RNF220: variants seen among roughly 807,000 people sequenced by gnomAD.
The protein encoded by RNF220 is ring finger protein 220.
A neutral mutation model predicts 67.1 loss-of-function variants in RNF220; 7 were observed. The ratio of observed to expected loss-of-function variants is 0.10; its 90% CI spans 0.06 to 0.20. RNF220 has a LOEUF of 0.20. RNF220 is among the 10% of genes least tolerant of loss of function. The probability of loss-of-function intolerance (pLI) is 1.00; values close to 1 mark genes in which losing one functional copy is unlikely to be tolerated. For missense variants in RNF220, 565 were observed against 740.3 expected, an observed-to-expected ratio of 0.76 and a Z score of 2.75; for synonymous variants, 270 against 283.2, an observed-to-expected ratio of 0.95 and a Z score of 0.47.
At chr1:44,476,964 T>C (rs774189166) in intron 2 of RNF220, among the ~76,000 whole-genome samples, 43 of 152,180 alleles carry the variant, frequency 2.8e-4, no homozygotes, top group Non-Finnish European at 5.3e-4. Flanking sequence ...CCATCAGTTA[T>C]GTGTTTTGGC....
intron 2 of RNF220, among the ~76,000 whole-genome samples, chr1:44,569,364 T>C (rs1664264671): frequency 6.6e-6 from 1 of 152,136 alleles, no homozygotes; most frequent in Non-Finnish European, 1.5e-5. Flanking sequence ...CCTGGGAAAA[T>C]TACACGTAAC....
rs1470972423 is a variant in RNF220 at position 44,624,774 on chromosome 1, T to A, written c.805-1523T>A. Among the ~76,000 whole-genome samples, 1 of 152,156 alleles carries A rather than the reference T, an allele frequency of 6.6e-6. No individual in the cohort carries two copies. Among genetic ancestry groups the A allele is most frequent in the African/African-American group, 2.4e-5 (1 of 41,410 alleles). On this transcript the variant is annotated intron_variant, in intron 4 of 14. Transcript: ENST00000361799. This position sits in a 1 kb window ranked among gnomAD's most constrained non-coding sequence, Gnocchi z 4.2. ...AATTAGCCGGTGGCGGCTATCATAT[T>A]AAAGGGTGAAGAAGCCGTGAATTAT...
At chr1:44,451,650 C>T (rs1652696338) in intron 2 of RNF220, among the ~76,000 whole-genome samples, 1 of 151,838 alleles carries the variant, frequency 6.6e-6, no homozygotes, top group Admixed American at 6.6e-5. Context: ...GAGACGGAGT[C>T]TGGCTCTTGT....
At chr1:44,413,909 C>A (rs969724791) in intron 2 of RNF220, among the ~76,000 whole-genome samples, 1 of 152,212 alleles carries the variant, frequency 6.6e-6, no homozygotes, top group African/African-American at 2.4e-5. Flanking sequence ...GTGTTAACTT[C>A]CCTGCGCTAA....
At chr1:44,520,190 C>T (rs1029091908) in intron 2 of RNF220, among the ~76,000 whole-genome samples, 49 of 150,574 alleles carry the variant, frequency 3.3e-4, no homozygotes, top group African/African-American at 1.2e-3. Context: ...GGGCTGGGCG[C>T]GGTGGCTCAC....
intron 6 of RNF220, 147 bp downstream of exon 6, chr1:44,632,532 C>A: frequency 1.3e-6 from 1 of 752,636 alleles, no homozygotes; most frequent in Non-Finnish European, 2.2e-6. Context: ...TATGTGCAAA[C>A]CAAAGCTGCC....
chr1:44,577,888 G>T (rs1664931901), intron 2 of RNF220, among the ~76,000 whole-genome samples: 1 of 151,078 alleles, frequency 6.6e-6, no homozygotes, highest in South Asian at 2.1e-4. Context: ...CCAGGCTGGA[G>T]TGCAATGGCA....
At chr1:44,497,338 GAC>G (rs10578430) in intron 2 of RNF220, among the ~76,000 whole-genome samples, 6,824 of 147,996 alleles carry the variant, frequency 0.046, 409 homozygotes, top group East Asian at 0.18. Flanking sequence ...CCCCTTCCCT[GAC>G]ACACACACAC....
chr1:44,405,385 T>TGCTGCTGCTGCCGCTGCC lies in RNF220; in HGVS notation c.-260_-243dup. 1 of 627,518 alleles carries TGCTGCTGCTGCCGCTGCC rather than the reference T, an allele frequency of 1.6e-6. No homozygotes were observed. The highest frequency in any genetic ancestry group is 2.9e-6 in the Non-Finnish European group (1 of 348,162). 38.9% of individuals were successfully genotyped at this position (627,518 alleles called of 1,614,324 possible). On this transcript the variant is annotated 5_prime_UTR_variant, in exon 1 of 15. Transcript: ENST00000361799. ...CCCGGGGCCAGCCGCCTACTGCTGC[T>TGCTGCTGCTGCCGCTGCC]GCTGCTGCTGCCGCTGCCGCCGCCG...
intron 7 of RNF220, 147 bp downstream of exon 7, chr1:44,635,735 C>A: frequency 6.7e-7 from 1 of 1,498,732 alleles, no homozygotes; most frequent in Non-Finnish European, 8.9e-7. Context: ...CTGACTGCCC[C>A]TGAATCTGTG....
chr1:44,499,497 C>A (rs1657637287), intron 2 of RNF220, among the ~76,000 whole-genome samples: 1 of 152,148 alleles, frequency 6.6e-6, no homozygotes, highest in East Asian at 1.9e-4. Context: ...CCTCACTCCG[C>A]TTCTAGGACA....
At chr1:44,502,806 C>T in intron 2 of RNF220, among the ~76,000 whole-genome samples, 1 of 152,070 alleles carries the variant, frequency 6.6e-6, no homozygotes, top group East Asian at 1.9e-4. Flanking sequence ...AACTCAGTCG[C>T]CCAGGCTGGT....
intron 2 of RNF220, among the ~76,000 whole-genome samples, chr1:44,465,075 T>G (rs1361063483): frequency 6.6e-6 from 1 of 152,200 alleles, no homozygotes; most frequent in Admixed American, 6.5e-5. Flanking sequence ...TTCAATAAAT[T>G]AATGTGAAAA....
intron 2 of RNF220, among the ~76,000 whole-genome samples, chr1:44,585,729 C>T (rs1013191459): frequency 6.6e-6 from 1 of 152,180 alleles, no homozygotes; most frequent in African/African-American, 2.4e-5. Flanking sequence ...CATACCTTGG[C>T]TCTGCTGTGT....
chr1:44,486,867 T>C lies in RNF220; in HGVS notation c.625+74145T>C, dbSNP rs569294849. On this transcript the variant is annotated intron_variant, in intron 2 of 14. Transcript: ENST00000361799. ...TACCAAATGAAATTGGCAATAATAT[T>C]ATCCACCTCTAGGGTTGTTCTAAGG... is the stretch of plus-strand genomic sequence containing the variant. Among the ~76,000 whole-genome samples the C allele has an allele frequency of 2.6e-5, 4 of 152,264 alleles. No homozygotes were observed. The East Asian group carries it at 7.7e-4, about 29-fold the overall frequency.
chr1:44,632,036 C>T, intron 5 of RNF220: 1 of 1,072,414 alleles, frequency 9.3e-7, no homozygotes, highest in Non-Finnish European at 1.1e-6. Context: ...CACGGGGAAT[C>T]CGCCCGCATC....
At chr1:44,617,154 G>C (rs1183649029) in intron 3 of RNF220, among the ~76,000 whole-genome samples, 2 of 151,962 alleles carry the variant, frequency 1.3e-5, no homozygotes, top group Non-Finnish European at 2.9e-5. Flanking sequence ...CCCTCCAACC[G>C]GGTGTCTGAC....
At chr1:44,496,460 G>A (rs1481860971) in intron 2 of RNF220, among the ~76,000 whole-genome samples, 1 of 152,158 alleles carries the variant, frequency 6.6e-6, no homozygotes, top group Admixed American at 6.5e-5. Context: ...GAACAGCTTT[G>A]GCTAAAGACC....
At chr1:44,428,416 A>G (rs553643336) in intron 2 of RNF220, among the ~76,000 whole-genome samples, 3 of 152,114 alleles carry the variant, frequency 2.0e-5, no homozygotes, top group South Asian at 2.1e-4. Context: ...TATTTTTCCA[A>G]TTTTCTAATA....
Sources: gnomAD v4.1 joint callset for allele counts (sites outside exome capture counted in the v4.1 genomes callset) on GRCh38, gnomAD v4.1.1 for gene constraint, Gnocchi (gnomAD v3.1) non-coding constraint, MANE v1.5 for transcripts, NCBI Gene and HGNC (gene_info 2026-07-23, HGNC 2026-07-21) for gene names.